The following C2CD2 variants were observed in gnomAD, a reference collection of about 807,000 sequenced individuals.
C2CD2 encodes C2 domain-containing protein 2.
In C2CD2, 43 loss-of-function variants were observed where a neutral mutation model predicts 74.3. The observed-to-expected ratio is 0.58, with a 90% confidence interval of 0.45 to 0.75. C2CD2 has a LOEUF of 0.75. Among genes scored for constraint, C2CD2 ranks in the 30% least tolerant of loss-of-function variants. C2CD2 has a pLI of 0.00. For synonymous variants in C2CD2, 422 were observed against 390.7 expected, an observed-to-expected ratio of 1.08 and a Z score of -0.94; for missense variants, 801 against 916.3, an observed-to-expected ratio of 0.87 and a Z score of 1.63.
At chr21:41,921,144 T>C (rs574341469) in intron 3 of C2CD2, among the ~76,000 whole-genome samples, 1 of 152,350 alleles carries the variant, frequency 6.6e-6, no homozygotes, top group South Asian at 2.1e-4. Flanking sequence ...AGGAAAAGCA[T>C]ACAGGATGTC....
At chr21:41,909,972 C>A (rs565188739) in intron 7 of C2CD2, among the ~76,000 whole-genome samples, 28 of 149,510 alleles carry the variant, frequency 1.9e-4, no homozygotes, top group Middle Eastern at 3.4e-3. Context: ...TCCTTCGTAA[C>A]CTATTTATTT....
chr21:41,924,412 C>T lies in C2CD2; in HGVS notation c.379-2327G>A, dbSNP rs570855449. ...CCTTCTCTCAATATTGGCAGAAAGT[C>T]GTGCAACTCTTTCTACCGGTTCTTA... On this transcript the variant is annotated intron_variant, in intron 2 of 13. Transcript: ENST00000380486. This position sits in a 1 kb window ranked among gnomAD's most constrained non-coding sequence, Gnocchi z 4.4. 2.8e-4 allele frequency among the ~76,000 whole-genome samples: 42 copies of T among 152,306 alleles called. No individual in the cohort carries two copies. Among genetic ancestry groups the T allele is most frequent in the African/African-American group, 8.2e-4 (34 of 41,574 alleles).
At position 41,926,403 on chromosome 21, in the gene C2CD2, G is replaced by A. The variant is rs948116513; in HGVS notation, c.379-4318C>T. 34 of 982,674 alleles carry A rather than the reference G, an allele frequency of 3.5e-5. No homozygotes were observed. Among genetic ancestry groups the A allele is most frequent in the Non-Finnish European group, 4.0e-5 (33 of 827,580 alleles). The allele number at this position is 982,674 out of a possible 1,614,324, so 60.9% of individuals were successfully genotyped here. A position where few individuals can be genotyped will look rare whatever the true frequency, so the allele number is the denominator to read the frequency against. On this transcript the variant is annotated intron_variant, in intron 2 of 13. Coordinates refer to ENST00000380486, the MANE Select transcript of C2CD2 (RefSeq NM_015500.2). The surrounding 1 kb of genome is among the most constrained non-coding windows in gnomAD (Gnocchi z 8.0). ...ATGGAAAGGCCAAGGGGGGACTCAC[G>A]GTTGGCAGGTGAGGGTTTGGGTCGG...
chr21:41,948,521 G>C (rs573136288), intron 1 of C2CD2, among the ~76,000 whole-genome samples: 1 of 152,156 alleles, frequency 6.6e-6, no homozygotes, highest in Non-Finnish European at 1.5e-5. Context: ...GGAATGACCC[G>C]TGGGAAGGCC....
chr21:41,936,149 G>A lies in C2CD2; in HGVS notation c.378+5998C>T, dbSNP rs76512750. On this transcript the variant is annotated intron_variant, in intron 2 of 13. Transcript: ENST00000380486. ...TCTGCACATCCAAGGAACCATCAAC[G>A]GAGTGAAGAGACAACCTACGGAATG... Among the ~76,000 whole-genome samples the A allele has an allele frequency of 9.6e-3, 1,467 of 152,138 alleles. 12 individuals carry two copies. Among genetic ancestry groups the A allele is most frequent in the African/African-American group, 0.032 (1,310 of 41,504 alleles).
At position 41,907,767 on chromosome 21, in the gene C2CD2, T is replaced by C. The variant is rs2064981209; in HGVS notation, c.1036A>G (p.Thr346Ala). Residue 346 changes from threonine (T) to alanine (A), a missense_variant, in exon 9 of 14, where the codon ACA (threonine) becomes GCA (alanine). Transcript: ENST00000380486. Reference protein sequence around the residue: ...RSSEGLLATATVPLDLFKKQP... With the variant: ...RSSEGLLATAAVPLDLFKKQP... ...TTCTTAAATAAGTCCAGAGGAACTG[T>C]CGCCGTCGCCAGCAGACCTGAAAAG... 3 of 1,613,946 alleles carry C rather than the reference T, an allele frequency of 1.9e-6. No individual in the cohort carries two copies. Among genetic ancestry groups the C allele is most frequent in the South Asian group, 1.1e-5 (1 of 91,078 alleles).
chr21:41,915,078 A>G (rs1178301417), intron 5 of C2CD2, among the ~76,000 whole-genome samples: 2 of 152,200 alleles, frequency 1.3e-5, no homozygotes, highest in Non-Finnish European at 2.9e-5. Context: ...CAGGTGCTTA[A>G]GAGCATGAGG....
chr21:41,917,390 CA>C (rs576781949), intron 5 of C2CD2, among the ~76,000 whole-genome samples: 84 of 152,112 alleles, frequency 5.5e-4, no homozygotes, highest in African/African-American at 2.0e-3. Context: ...AAACCACTGC[CA>C]AAAAAATATA....
chr21:41,927,394 G>A (rs189012917), intron 2 of C2CD2, among the ~76,000 whole-genome samples: 21 of 152,234 alleles, frequency 1.4e-4, no homozygotes, highest in African/African-American at 4.8e-4. Flanking sequence ...TCAAACTCCT[G>A]ACCTGAGCCT....
intron 2 of C2CD2, among the ~76,000 whole-genome samples, chr21:41,927,588 A>G (rs7280113): frequency 0.016 from 2,486 of 152,088 alleles, 50 homozygotes; most frequent in African/African-American, 0.057. Context: ...CTCCTGCCTC[A>G]GCCTCCCGAG....
rs753548312 is a variant in C2CD2 at position 41,912,435 on chromosome 21, T to C, written c.850A>G (p.Ile284Val). 3.1e-6 allele frequency: 5 copies of C among 1,590,922 alleles called. No homozygotes were observed. Among genetic ancestry groups the C allele is most frequent in the Admixed American group, 1.7e-5 (1 of 57,938 alleles). ...AGCTGCACGACGCACACTGCATTAA[T>C]GTGGCCTGTAATTAAATAGAAGGGC... ...LLSEPGASGHINAVCVVQLND... is the reference protein window; with the variant it reads ...LLSEPGASGHVNAVCVVQLND... The change falls in exon 7 of 14, where the codon ATT becomes GTT. Residue 284 changes from isoleucine to valine, a missense_variant. Transcript: ENST00000380486.
intron 1 of C2CD2, among the ~76,000 whole-genome samples, chr21:41,946,216 G>A (rs1432343386): frequency 6.6e-6 from 1 of 152,192 alleles, no homozygotes; most frequent in Non-Finnish European, 1.5e-5. Context: ...AACGGGCTCT[G>A]TACAGGCTCA....
At chr21:41,890,626 T>C (rs1027358075) in intron 13 of C2CD2, among the ~76,000 whole-genome samples, 5 of 152,254 alleles carry the variant, frequency 3.3e-5, no homozygotes, top group Non-Finnish European at 7.3e-5. Context: ...AGGAGCTTTA[T>C]ACCTAATGTG....
chr21:41,925,329 A>G (rs117085944), intron 2 of C2CD2, among the ~76,000 whole-genome samples: 5,539 of 152,046 alleles, frequency 0.036, 137 homozygotes, highest in Middle Eastern at 0.088. Flanking sequence ...CTTAAAAAAA[A>G]AAAAATTAGC....
intron 7 of C2CD2, 129 bp downstream of exon 7, chr21:41,912,203 C>T (rs2146178663): frequency 1.7e-6 from 1 of 593,078 alleles, no homozygotes; most frequent in South Asian, 2.1e-5. Context: ...ATGCTTAAGA[C>T]ATCATTTGTT....
At chr21:41,909,590 T>G in intron 7 of C2CD2, 67 bp from the exon 8 acceptor site, 1 of 1,053,898 alleles carries the variant, frequency 9.5e-7, no homozygotes, top group Non-Finnish European at 1.5e-6. Context: ...TGAAATAGAG[T>G]GTTTTTTCTG....
intron 13 of C2CD2, among the ~76,000 whole-genome samples, chr21:41,896,277 G>A (rs775701701): frequency 1.3e-5 from 2 of 152,232 alleles, no homozygotes. Flanking sequence ...GAGATGAAGA[G>A]AAGTAAGAGG....
chr21:41,905,800 G>A lies in C2CD2; in HGVS notation c.1356C>T (p.Ile452=), dbSNP rs149962437. The A allele has an allele frequency of 2.6e-4, 413 of 1,609,944 alleles. No individual in the cohort carries two copies. The African/African-American group carries it at 4.6e-3, about 18-fold the overall frequency. Residue 452 remains isoleucine, a synonymous_variant, in exon 11 of 14, where the codon ATC becomes ATT. Coordinates refer to ENST00000380486, the MANE Select transcript of C2CD2 (RefSeq NM_015500.2). ...TGGCCTGGACAGAGATGTCCTTCTC[G>A]ATCACCTTCACCTTGATGGGAGTCT... ...PVKTPIKVKV[I]EKDISVQAIA...
At chr21:41,906,851 G>T (rs946653317) in intron 10 of C2CD2, 141 bp downstream of exon 10, 7 of 613,624 alleles carry the variant, frequency 1.1e-5, no homozygotes, top group African/African-American at 1.1e-4. Context: ...CACAAGTGTG[G>T]CCAATTAGCA....
Sources: gnomAD v4.1 joint callset for allele counts (sites outside exome capture counted in the v4.1 genomes callset) on GRCh38, gnomAD v4.1.1 for gene constraint, Gnocchi (gnomAD v3.1) non-coding constraint, MANE v1.5 for transcripts, NCBI Gene and HGNC (gene_info 2026-07-23, HGNC 2026-07-21) for gene names.